ATM: variants seen among roughly 807,000 people sequenced by gnomAD.
The protein encoded by ATM is serine-protein kinase ATM.
In ATM, 308 loss-of-function variants were observed where a neutral mutation model predicts 387.0. The ratio of observed to expected loss-of-function variants is 0.80; its 90% CI spans 0.73 to 0.87. The LOEUF (loss-of-function observed/expected upper bound fraction) is 0.87. Among genes scored for constraint, ATM ranks in the 40% least tolerant of loss-of-function variants. The pLI is 0.00. For missense variants in ATM, 3,312 were observed against 3,560.9 expected, an observed-to-expected ratio of 0.93 and a Z score of 1.78; for synonymous variants, 1,156 against 1,187.3, an observed-to-expected ratio of 0.97 and a Z score of 0.54.
At chr11:108,340,919 T>C (rs1274167210) in intron 56 of ATM, among the ~76,000 whole-genome samples, 1 of 152,208 alleles carries the variant, frequency 6.6e-6, no homozygotes, top group East Asian at 1.9e-4. Context: ...TTATTTTTTA[T>C]TGTATTGTTT....
Position 108,256,259 on chromosome 11 carries a change from G to T in ATM, c.2169G>T (p.Val723=), listed in dbSNP as rs878853491. The change falls in exon 14 of 63, where the codon GTG becomes GTT. Residue 723 remains valine (V), a synonymous_variant. Transcript: ENST00000675843. ...TTGTCCGGTGTTCACGTCTTTTGGT[G>T]GGTGTCCTTGGCTGCTACTGTTACA... ...ETLVRCSRLL[V]GVLGCYCYMG... 1.2e-6 allele frequency: 2 copies of T among 1,610,268 alleles called. No homozygotes were observed. Among genetic ancestry groups the T allele is most frequent in the Middle Eastern group, 1.7e-4 (1 of 6,042 alleles).
chr11:108,311,141 T>A (rs1004300148), intron 39 of ATM, among the ~76,000 whole-genome samples: 47 of 151,712 alleles, frequency 3.1e-4, no homozygotes, highest in South Asian at 1.0e-3. Flanking sequence ...TCATTTTTTT[T>A]AATTTTTATT....
chr11:108,234,263 G>A (rs955436383), intron 4 of ATM, among the ~76,000 whole-genome samples: 1 of 152,254 alleles, frequency 6.6e-6, no homozygotes, highest in South Asian at 2.1e-4. Context: ...GTTTACCATA[G>A]CCTGTGAATA....
chr11:108,281,376 G>A (rs1375090417), intron 24 of ATM, among the ~76,000 whole-genome samples: 1 of 152,162 alleles, frequency 6.6e-6, no homozygotes, highest in Non-Finnish European at 1.5e-5. Context: ...CCATTTAAGA[G>A]CATTTCACAA....
At chr11:108,354,475 C>T (rs972866422) in intron 60 of ATM, among the ~76,000 whole-genome samples, 2 of 152,196 alleles carry the variant, frequency 1.3e-5, no homozygotes, top group African/African-American at 2.4e-5. Context: ...GGTCTGTGTA[C>T]TCAACTTGGA....
chr11:108,309,059 C>T, intron 38 of ATM: 1 of 1,504,958 alleles, frequency 6.6e-7, no homozygotes, highest in Non-Finnish European at 8.9e-7. Context: ...GAATAAGATC[C>T]TGAAGAATAT....
rs371638537 is a variant in ATM, at chr11:108,335,959, A to T, written c.8266A>T (p.Lys2756Ter). ...GAGGAAATTAACTATCTGTACTTAT[A>T]AGGTAACTATTTGTACTTCTGTTAG... ...RKRKLTICTYKVVPLSQRSGV... is the reference protein window; with the variant it reads ...RKRKLTICTY Residue 2756 changes from lysine to a stop codon, truncating the protein, a stop_gained and splice_region_variant, in exon 56 of 63, where the codon AAG becomes TAG. Coordinates refer to ENST00000675843, the MANE Select transcript of ATM (RefSeq NM_000051.4). LOFTEE classifies it high-confidence loss of function. 4.6e-5 allele frequency: 73 copies of T among 1,603,576 alleles called. 1 individual carries two copies. Among genetic ancestry groups the T allele is most frequent in the Non-Finnish European group, 6.0e-5 (70 of 1,170,652 alleles).
chr11:108,260,030 C>CTTTTTT, intron 16 of ATM, among the ~76,000 whole-genome samples: 1 of 94,592 alleles, frequency 1.1e-5, no homozygotes, highest in Non-Finnish European at 2.1e-5. Context: ...CTTATCTGCT[C>CTTTTTT]TTTTTTTTTT....
intron 56 of ATM, among the ~76,000 whole-genome samples, chr11:108,339,568 TC>T: frequency 6.6e-6 from 1 of 152,154 alleles, no homozygotes; most frequent in East Asian, 1.9e-4. Flanking sequence ...GTTGAAATCT[TC>T]CAGAGAGTCT....
intron 11 of ATM, among the ~76,000 whole-genome samples, chr11:108,252,314 ATAAG>A (rs1183559653): frequency 1.3e-5 from 2 of 152,200 alleles, no homozygotes; most frequent in Non-Finnish European, 2.9e-5. Context: ...GATTTTTTAA[ATAAG>A]TAAGTCCATA....
intron 16 of ATM, among the ~76,000 whole-genome samples, chr11:108,261,202 C>G (rs971735117): frequency 6.6e-6 from 1 of 152,230 alleles, no homozygotes; most frequent in African/African-American, 2.4e-5. Context: ...AACAAAAAGA[C>G]AGCAGTAACC....
Position 108,289,120 on chromosome 11 carries a change from A to T in ATM, c.4236+17A>T, listed in dbSNP as rs763401939. 2 of 1,599,910 alleles carry T rather than the reference A, an allele frequency of 1.3e-6. No individual in the cohort carries two copies. The highest frequency in any genetic ancestry group is 1.7e-6 in the Non-Finnish European group (2 of 1,168,850). On this transcript the variant is annotated intron_variant, in intron 28 of 62. Transcript: ENST00000675843. ...AAAAGCCCTGTAAGTATACATGATG[A>T]GTTTAATAATAGAACATTCCTTCTT... is the stretch of plus-strand genomic sequence containing the variant.
chr11:108,301,614 T>C (rs1453094259), intron 34 of ATM, 34 bp from the exon 35 acceptor site: 1 of 1,612,780 alleles, frequency 6.2e-7, no homozygotes, highest in Non-Finnish European at 8.5e-7. Flanking sequence ...TAATAACTGG[T>C]GTACTTGATA....
In ATM at chr11:108,339,192, A is replaced by G. The variant is rs79180883; in HGVS notation, c.8268+3231A>G. 6.0e-3 allele frequency among the ~76,000 whole-genome samples: 918 copies of G among 152,252 alleles called. 6 individuals are homozygous for G. Among genetic ancestry groups the G allele is most frequent in the East Asian group, 0.01 (54 of 5,182 alleles). ...TGGCTGGCCCCATTTTTCTCCACCA[A>G]AACTATGCATTGTTACAAAGTATAC... On this transcript the variant is annotated intron_variant, in intron 56 of 62. Transcript: ENST00000675843.
Position 108,343,203 on chromosome 11 carries a change from A to G in ATM, c.8269-19A>G. ...TAATGGCCTTTTAAAATTAAAAGGTATTTAATCTGTAACTCCAGGTGGTTC... is the reference window on the plus strand; with the variant it reads ...TAATGGCCTTTTAAAATTAAAAGGTGTTTAATCTGTAACTCCAGGTGGTTC... On this transcript the variant is annotated intron_variant, in intron 56 of 62. Coordinates refer to ENST00000675843, the MANE Select transcript of ATM (RefSeq NM_000051.4). 6.2e-7 allele frequency: 1 copy of G among 1,613,700 alleles called. No homozygotes were observed. Among genetic ancestry groups the G allele is most frequent in the Non-Finnish European group, 8.5e-7 (1 of 1,179,650 alleles).
intron 5 of ATM, 60 bp from the exon 6 acceptor site, chr11:108,243,893 A>G (rs1011179045): frequency 1.4e-6 from 2 of 1,392,772 alleles, no homozygotes; most frequent in East Asian, 5.0e-5. Flanking sequence ...TTAAATTGTA[A>G]CATTTAATAC....
At chr11:108,312,991 A>T (rs2084305249) in intron 40 of ATM, among the ~76,000 whole-genome samples, 1 of 151,822 alleles carries the variant, frequency 6.6e-6, no homozygotes, top group Admixed American at 6.6e-5. Context: ...TTCTGCTTAA[A>T]CCTCTCATCT....
At chr11:108,343,097 A>G (rs1366656281) in intron 56 of ATM, 125 bp from the exon 57 acceptor site, 22 of 1,243,352 alleles carry the variant, frequency 1.8e-5, no homozygotes, top group Admixed American at 7.0e-5. Flanking sequence ...TTTGTCTTCT[A>G]TGGACAGAGA....
At chr11:108,302,172 C>G (rs1309704275) in intron 35 of ATM, among the ~76,000 whole-genome samples, 1 of 152,098 alleles carries the variant, frequency 6.6e-6, no homozygotes, top group East Asian at 1.9e-4. Flanking sequence ...ATCACAATCC[C>G]CTGGTGAAAT....
Sources: gnomAD v4.1 joint callset for allele counts (sites outside exome capture counted in the v4.1 genomes callset) on GRCh38, gnomAD v4.1.1 for gene constraint, MANE v1.5 for transcripts, NCBI Gene and HGNC (gene_info 2026-07-23, HGNC 2026-07-21) for gene names.